PAQR3: variants seen among roughly 807,000 people sequenced by gnomAD.
PAQR3 encodes the protein progestin and adipoQ receptor family member 3, also known as Raf kinase trapping to Golgi.
Under a neutral mutation model 41.7 loss-of-function variants are expected in PAQR3, and 39 were observed. That is an observed-to-expected ratio of 0.93 (90% confidence interval 0.72 to 1.22). PAQR3 has a LOEUF of 1.22. Among genes scored for constraint, PAQR3 ranks in the 50% most tolerant of loss-of-function variants. The pLI is 0.00. For missense variants in PAQR3, 366 were observed against 385.6 expected, an observed-to-expected ratio of 0.95 and a Z score of 0.42; for synonymous variants, 140 against 140.6, an observed-to-expected ratio of 1.00 and a Z score of 0.03.
intron 3 of PAQR3, among the ~76,000 whole-genome samples, chr4:78,928,271 T>A (rs1736453599): frequency 6.6e-6 from 1 of 152,206 alleles, no homozygotes; most frequent in Non-Finnish European, 1.5e-5. Context: ...TTTTTAAAGA[T>A]ATAAACAGTT....
Position 78,890,321 on chromosome 4 carries a change from T to C in PAQR3, c.*837-2173A>G, listed in dbSNP as rs546128489. Among the ~76,000 whole-genome samples the C allele has an allele frequency of 6.6e-5, 10 of 152,262 alleles. No homozygotes were observed. In the South Asian group the frequency reaches 2.1e-3, roughly 32 times the overall value. Reference sequence around the variant, plus strand: ...TCTGCACTTTTTAAAACAATAGCTATGGACTTTCTATTATGGAAAATGAGA... The same window carrying C: ...TCTGCACTTTTTAAAACAATAGCTACGGACTTTCTATTATGGAAAATGAGA... On this transcript the variant is annotated intron_variant and NMD_transcript_variant, in intron 11 of 12. Coordinates refer to the PAQR3 transcript ENST00000342820.
At chr4:78,925,732 C>T (rs1736127223) in intron 4 of PAQR3, among the ~76,000 whole-genome samples, 1 of 152,104 alleles carries the variant, frequency 6.6e-6, no homozygotes, top group African/African-American at 2.4e-5. Flanking sequence ...TGATTTCTGT[C>T]AGATTTCTTG....
At chr4:78,908,363 A>G (rs1734390597), downstream of PAQR3, among the ~76,000 whole-genome samples, 1 of 152,000 alleles carries the variant, frequency 6.6e-6, no homozygotes, top group Non-Finnish European at 1.5e-5. Context: ...CCTCCCTCAA[A>G]CATTCTTCTC....
chr4:78,903,498 T>A (rs888398012), intron 11 of PAQR3, among the ~76,000 whole-genome samples: 4 of 151,960 alleles, frequency 2.6e-5, no homozygotes, highest in Non-Finnish European at 4.4e-5. Context: ...CAATATTTAG[T>A]GAACATTCAC....
At chr4:78,888,519 C>G (rs1322725571) in intron 11 of PAQR3, among the ~76,000 whole-genome samples, 1 of 152,110 alleles carries the variant, frequency 6.6e-6, no homozygotes, top group Non-Finnish European at 1.5e-5. Context: ...ATTGCATTAT[C>G]CTTTTCAGGT....
At chr4:78,901,212 T>TA (rs1733985344) in intron 11 of PAQR3, among the ~76,000 whole-genome samples, 1 of 151,380 alleles carries the variant, frequency 6.6e-6, no homozygotes, top group African/African-American at 2.4e-5. Flanking sequence ...CTCAGCTACT[T>TA]TTTTATTTTA....
chr4:78,895,918 C>T (rs749613788), intron 11 of PAQR3, among the ~76,000 whole-genome samples: 3 of 151,902 alleles, frequency 2.0e-5, no homozygotes, highest in Admixed American at 6.6e-5. Flanking sequence ...GAAGCTACCT[C>T]GCCCAGCTAA....
intron 11 of PAQR3, among the ~76,000 whole-genome samples, chr4:78,901,552 G>C (rs1734007824): frequency 6.6e-6 from 1 of 152,104 alleles, no homozygotes; most frequent in Admixed American, 6.6e-5. Context: ...TTTCACTAAA[G>C]GATTAACTAC....
intron 11 of PAQR3, among the ~76,000 whole-genome samples, chr4:78,901,222 A>G (rs1733985851): frequency 6.7e-6 from 1 of 149,144 alleles, no homozygotes; most frequent in South Asian, 2.1e-4. Flanking sequence ...TTTTTATTTT[A>G]TTTTATTATT....
At chr4:78,937,673 T>C (rs1737575624) in intron 1 of PAQR3, among the ~76,000 whole-genome samples, 1 of 152,232 alleles carries the variant, frequency 6.6e-6, no homozygotes, top group Non-Finnish European at 1.5e-5. Context: ...TATGTGGGTA[T>C]AATGAGGCTC....
At chr4:78,897,861 G>T (rs1733785345) in intron 11 of PAQR3, among the ~76,000 whole-genome samples, 1 of 152,184 alleles carries the variant, frequency 6.6e-6, no homozygotes, top group African/African-American at 2.4e-5. Context: ...TACAGCCCTT[G>T]CCTCTCAAGG....
At chr4:78,923,331 C>T (rs1475798752) in intron 5 of PAQR3, among the ~76,000 whole-genome samples, 11 of 148,798 alleles carry the variant, frequency 7.4e-5, no homozygotes, top group Non-Finnish European at 1.6e-4. Flanking sequence ...TTTTCACTAT[C>T]TTTTTTTTTT....
chr4:78,938,396 G>A (rs756562524), intron 1 of PAQR3, among the ~76,000 whole-genome samples: 3 of 152,134 alleles, frequency 2.0e-5, no homozygotes, highest in Non-Finnish European at 4.4e-5. Flanking sequence ...CTTCTGTGGT[G>A]CTCTAGTGGA....
chr4:78,910,628 C>G, downstream of PAQR3: 2 of 1,540,604 alleles, frequency 1.3e-6, no homozygotes, highest in Non-Finnish European at 1.7e-6. Flanking sequence ...GAAAAGAAAG[C>G]TGAACATTCA....
At chr4:78,903,989 T>C (rs1298052070) in intron 11 of PAQR3, among the ~76,000 whole-genome samples, 1 of 151,966 alleles carries the variant, frequency 6.6e-6, no homozygotes, top group Non-Finnish European at 1.5e-5. Flanking sequence ...AGGTCTCAGA[T>C]TTCTTACGTA....
rs1412909991 is a variant in PAQR3, at chr4:78,916,638, G to A, written c.*3901C>T. 1 of 151,906 alleles carries A rather than the reference G, an allele frequency of 6.6e-6. No individual in the cohort carries two copies. The highest frequency in any genetic ancestry group is 1.9e-4 in the East Asian group (1 of 5,198). 9.4% of individuals were successfully genotyped at this position (151,906 alleles called of 1,614,324 possible). A position where few individuals can be genotyped will look rare whatever the true frequency, so the allele number is the denominator to read the frequency against. On this transcript the variant is annotated 3_prime_UTR_variant, in exon 6 of 6. Coordinates refer to ENST00000512733, the MANE Select transcript of PAQR3 (RefSeq NM_001040202.2). ...GTGAGTCATAATTACTGATACTCGA[G>A]TGATGACAGTAAGGCAAAAACAATA...
intron 2 of PAQR3, among the ~76,000 whole-genome samples, chr4:78,934,716 A>C (rs1340961181): frequency 6.6e-6 from 1 of 152,232 alleles, no homozygotes; most frequent in Non-Finnish European, 1.5e-5. Flanking sequence ...AGGACAGTAA[A>C]ATATAGTATG....
chr4:78,911,661 C>G (rs7682647), downstream of PAQR3: 28 of 1,613,756 alleles, frequency 1.7e-5, no homozygotes, highest in Middle Eastern at 3.3e-4. Context: ...TTTTAACCAT[C>G]TCAGACTCCA....
chr4:78,915,491 T>C lies in PAQR3; in HGVS notation c.*5048A>G, dbSNP rs752002084. 4 of 151,926 alleles carry C rather than the reference T, an allele frequency of 2.6e-5. No individual in the cohort carries two copies. Among genetic ancestry groups the C allele is most frequent in the Non-Finnish European group, 5.9e-5 (4 of 67,878 alleles). The allele number at this position is 151,926 out of a possible 1,614,324, so 9.4% of individuals were successfully genotyped here. Reference sequence around the variant, plus strand: ...TCATTTTTTTTTCTTTTTAGCAAACTTGTTATTTTAGGTCCAATTATTGAG... The same window carrying C: ...TCATTTTTTTTTCTTTTTAGCAAACCTGTTATTTTAGGTCCAATTATTGAG... On this transcript the variant is annotated 3_prime_UTR_variant, in exon 6 of 6. Transcript: ENST00000512733.
Sources: gnomAD v4.1 joint callset for allele counts (sites outside exome capture counted in the v4.1 genomes callset) on GRCh38, gnomAD v4.1.1 for gene constraint, MANE v1.5 for transcripts, NCBI Gene and HGNC (gene_info 2026-07-23, HGNC 2026-07-21) for gene names.